The following COLEC12 variants were observed in gnomAD, a reference collection of about 807,000 sequenced individuals.
COLEC12 encodes the protein collectin subfamily member 12.
A neutral mutation model predicts 71.1 loss-of-function variants in COLEC12; 33 were observed. The ratio of observed to expected loss-of-function variants is 0.46; its 90% CI spans 0.35 to 0.62. The LOEUF (loss-of-function observed/expected upper bound fraction) is 0.62, where lower values mean the gene tolerates loss of function less well. COLEC12 is among the 20% of genes least tolerant of loss of function. The pLI is 0.00. For missense variants in COLEC12, 765 were observed against 916.1 expected (o/e 0.84, Z 2.13); for synonymous variants, 350 against 353.0 (o/e 0.99, Z 0.10).
intron 2 of COLEC12, among the ~76,000 whole-genome samples, chr18:383,247 A>T (rs941278441): frequency 2.0e-5 from 3 of 152,204 alleles, no homozygotes; most frequent in Non-Finnish European, 2.9e-5. Flanking sequence ...TTAATTTTTT[A>T]AATTAAAATT....
At chr18:476,974 G>A (rs1379568615) in intron 2 of COLEC12, among the ~76,000 whole-genome samples, 1 of 152,080 alleles carries the variant, frequency 6.6e-6, no homozygotes, top group East Asian at 1.9e-4. Flanking sequence ...TTTGTCAGAG[G>A]AGCAAAGAAG....
At chr18:414,660 C>T (rs906040483) in intron 2 of COLEC12, among the ~76,000 whole-genome samples, 1 of 152,154 alleles carries the variant, frequency 6.6e-6, no homozygotes, top group Non-Finnish European at 1.5e-5. Flanking sequence ...AAACACAGAT[C>T]TTTAAGGATA....
At chr18:386,400 C>T (rs920441456) in intron 2 of COLEC12, among the ~76,000 whole-genome samples, 3 of 152,202 alleles carry the variant, frequency 2.0e-5, no homozygotes, top group African/African-American at 7.2e-5. Flanking sequence ...TGTCTGTGGA[C>T]TAGTGGCATC....
chr18:391,030 T>C (rs1915452896), intron 2 of COLEC12, among the ~76,000 whole-genome samples: 1 of 152,194 alleles, frequency 6.6e-6, no homozygotes, highest in South Asian at 2.1e-4. Context: ...TTTTTTCTAT[T>C]ACTTTTTTTA....
intron 2 of COLEC12, among the ~76,000 whole-genome samples, chr18:433,875 G>C (rs931388417): frequency 6.6e-6 from 1 of 150,580 alleles, no homozygotes; most frequent in Non-Finnish European, 1.5e-5. Flanking sequence ...AAGGCAAGAG[G>C]ATCGCTTGAG....
chr18:326,721 T>C lies in COLEC12; in HGVS notation c.2064-4914A>G, dbSNP rs565553135. ...CCAGAATATAGTTCATCTTGGTGAA[T>C]GTACCACATGCACCTGAAAAGAATA... On this transcript the variant is annotated intron_variant, in intron 8 of 9. Coordinates refer to ENST00000400256, the MANE Select transcript of COLEC12 (RefSeq NM_130386.3). Among the ~76,000 whole-genome samples the C allele has an allele frequency of 2.0e-5, 3 of 152,342 alleles. No individual in the cohort carries two copies. In the South Asian group the frequency reaches 6.2e-4, roughly 32 times the overall value.
chr18:498,651 C>T (rs1917759376), intron 1 of COLEC12, among the ~76,000 whole-genome samples: 2 of 152,040 alleles, frequency 1.3e-5, no homozygotes, highest in East Asian at 1.9e-4. Flanking sequence ...TGTGAGCCAC[C>T]GCGCCCCGCT....
chr18:321,441 T>C (rs1913702232), intron 9 of COLEC12, among the ~76,000 whole-genome samples: 1 of 152,276 alleles, frequency 6.6e-6, no homozygotes, highest in South Asian at 2.1e-4. Flanking sequence ...ACTTCCTACA[T>C]GTGAGGCACA....
intron 2 of COLEC12, among the ~76,000 whole-genome samples, chr18:383,672 C>T (rs550835148): frequency 7.9e-5 from 12 of 152,302 alleles, no homozygotes; most frequent in African/African-American, 2.6e-4. Context: ...CCCCTACCCA[C>T]TCCTTCTCCA....
At chr18:373,232 G>GT (rs1362729662) in intron 2 of COLEC12, among the ~76,000 whole-genome samples, 3 of 152,200 alleles carry the variant, frequency 2.0e-5, no homozygotes, top group African/African-American at 7.2e-5. Context: ...CTTATCCAAT[G>GT]TAAGCTCATC....
At chr18:451,537 G>A (rs1434476790) in intron 2 of COLEC12, among the ~76,000 whole-genome samples, 1 of 152,132 alleles carries the variant, frequency 6.6e-6, no homozygotes, top group Non-Finnish European at 1.5e-5. Flanking sequence ...CACAAGGTCA[G>A]GAGTTCAAGA....
At chr18:378,401 G>C (rs56786672) in intron 2 of COLEC12, among the ~76,000 whole-genome samples, 2,645 of 152,304 alleles carry the variant, frequency 0.017, 100 homozygotes, top group African/African-American at 0.059. Flanking sequence ...AGGGAAAATA[G>C]CTGCAAGGAA....
rs542964742 is a variant in COLEC12 at position 346,151 on chromosome 18, T to C, written c.1327+144A>G. The C allele has an allele frequency of 3.1e-6, 2 of 645,796 alleles. No homozygotes were observed. The highest frequency in any genetic ancestry group is 3.9e-5 in the South Asian group (2 of 50,752). The allele number at this position is 645,796 out of a possible 1,614,324, so 40.0% of individuals were successfully genotyped here. ...CATGAAAAACAGTGAGTCAGGACCA[T>C]CTAGCTAAGCTGCTCTTGAATTCCT... is the stretch of plus-strand genomic sequence containing the variant. On this transcript the variant is annotated intron_variant, in intron 5 of 9. Coordinates refer to ENST00000400256, the MANE Select transcript of COLEC12 (RefSeq NM_130386.3). The surrounding 1 kb of genome is among the most constrained non-coding windows in gnomAD (Gnocchi z 4.0).
chr18:340,752 A>G (rs1770311782), intron 5 of COLEC12, among the ~76,000 whole-genome samples: 1 of 152,244 alleles, frequency 6.6e-6, no homozygotes, highest in Non-Finnish European at 1.5e-5. Flanking sequence ...TCATTTAAAA[A>G]TCTACTTTGA....
Position 500,432 on chromosome 18 carries a change from G to GC in COLEC12, c.7+75dup. ...GCCCAAGGGAAGGTTCGCGCGGGAG[G>GC]CACCTCCGTGGCCTCCCGCGCGCCC... is the stretch of plus-strand genomic sequence containing the variant. On this transcript the variant is annotated intron_variant, in intron 1 of 9. Coordinates refer to ENST00000400256, the MANE Select transcript of COLEC12 (RefSeq NM_130386.3). This position sits in a 1 kb window ranked among gnomAD's most constrained non-coding sequence, Gnocchi z 5.3. 4 of 848,804 alleles carry GC rather than the reference G, an allele frequency of 4.7e-6. No homozygotes were observed. The highest frequency in any genetic ancestry group is 1.7e-4 in the East Asian group (2 of 11,908). 52.6% of individuals were successfully genotyped at this position (848,804 alleles called of 1,614,324 possible).
intron 2 of COLEC12, among the ~76,000 whole-genome samples, chr18:394,978 T>C (rs567855371): frequency 1.3e-3 from 204 of 152,324 alleles, no homozygotes; most frequent in African/African-American, 4.2e-3. Context: ...TGGACTCAGT[T>C]AAAGGTTTGA....
chr18:435,803 A>G (rs1440812566), intron 2 of COLEC12, among the ~76,000 whole-genome samples: 1 of 152,240 alleles, frequency 6.6e-6, no homozygotes. Flanking sequence ...TTCAAAATGC[A>G]AAAAGTGTAG....
chr18:455,885 CCATTTGCA>C lies in COLEC12; in HGVS notation c.58+24814_58+24821del, dbSNP rs763528965. Among the ~76,000 whole-genome samples the C allele has an allele frequency of 1.0e-3, 155 of 152,234 alleles. 1 individual carries two copies. The highest frequency in any genetic ancestry group is 3.1e-3 in the Admixed American group (47 of 15,288). ...TGTATATGTGTCACGTTTTCTTTGC[CCATTTGCA>C]CATTTTCTTTGCCCATTCATGGGCA... On this transcript the variant is annotated intron_variant, in intron 2 of 9. Transcript: ENST00000400256.
chr18:329,177 C>T (rs1913913672), intron 8 of COLEC12, among the ~76,000 whole-genome samples: 1 of 152,064 alleles, frequency 6.6e-6, no homozygotes, highest in South Asian at 2.1e-4. Context: ...CTTGCTGGAC[C>T]CCAGGGAAGA....
Sources: allele counts gnomAD v4.1 joint callset (sites outside exome capture counted in the v4.1 genomes callset), GRCh38; gene constraint gnomAD v4.1.1; non-coding constraint Gnocchi (gnomAD v3.1); transcripts MANE v1.5; gene names NCBI Gene and HGNC (gene_info 2026-07-23, HGNC 2026-07-21).